Variants in DOCK9 observed in about 807,000 individuals in gnomAD.
The protein encoded by DOCK9 is dedicator of cytokinesis 9.
A neutral mutation model predicts 263.3 loss-of-function variants in DOCK9; 89 were observed. That is an observed-to-expected ratio of 0.34 (90% CI 0.28 to 0.40). The LOEUF (loss-of-function observed/expected upper bound fraction) is 0.40. Among genes scored for constraint, DOCK9 ranks in the 10% least tolerant of loss-of-function variants. DOCK9 has a pLI of 1.00. For synonymous variants in DOCK9, 976 were observed against 973.1 expected (o/e 1.00, Z -0.06); for missense variants, 2,140 against 2,603.4 (o/e 0.82, Z 3.87).
chr13:99,057,434 G>T (rs1021868179), intron 1 of DOCK9, among the ~76,000 whole-genome samples: 1 of 152,160 alleles, frequency 6.6e-6, no homozygotes, highest in East Asian at 1.9e-4. Flanking sequence ...CTAAGGCACG[G>T]TAAGTCCTGG....
chr13:98,910,796 C>T (rs927753518), intron 9 of DOCK9, among the ~76,000 whole-genome samples: 3 of 152,154 alleles, frequency 2.0e-5, no homozygotes, highest in Non-Finnish European at 2.9e-5. Context: ...CTTGCACCTT[C>T]CTTCCCTGAT....
chr13:98,833,236 T>C (rs955587411), intron 39 of DOCK9, among the ~76,000 whole-genome samples: 2 of 151,816 alleles, frequency 1.3e-5, no homozygotes, highest in African/African-American at 4.8e-5. Context: ...TTCCAGTGTT[T>C]GGGGAACTGC....
rs71114576 is a variant in DOCK9, at chr13:99,060,062, C to CTTTTT, written c.129+26156_129+26160dup. On this transcript the variant is annotated intron_variant, in intron 1 of 32. Coordinates refer to the DOCK9 transcript ENST00000427887. ...AGTTACAGACATTTGATTGTTTCTA[C>CTTTTT]TTTTTTTTTTTTTTTTTTTTTTTTT... Among the ~76,000 whole-genome samples the CTTTTT allele has an allele frequency of 1.7e-3, 103 of 61,462 alleles. 12 individuals carry two copies. The highest frequency in any genetic ancestry group is 4.6e-3 in the African/African-American group (58 of 12,596). The allele number at this position is 61,462 out of a possible 152,430, so 40.3% of individuals were successfully genotyped here.
intron 39 of DOCK9, among the ~76,000 whole-genome samples, chr13:98,835,745 T>C: frequency 6.8e-6 from 1 of 147,140 alleles, no homozygotes; most frequent in East Asian, 2.0e-4. Flanking sequence ...TTTTTTTTTT[T>C]TTTTTTTTTT....
intron 1 of DOCK9, among the ~76,000 whole-genome samples, chr13:99,042,453 G>A (rs1277413759): frequency 6.6e-6 from 1 of 152,166 alleles, no homozygotes; most frequent in Non-Finnish European, 1.5e-5. Flanking sequence ...TTTCTAAATG[G>A]GGGACGTGAG....
At chr13:98,856,449 G>C (rs2093708738) in intron 33 of DOCK9, 1 of 155,510 alleles carries the variant, frequency 6.4e-6, no homozygotes, top group Admixed American at 6.4e-5. Flanking sequence ...GGGTGTCATG[G>C]GGTATTTTAA....
chr13:98,879,896 A>G lies in DOCK9; in HGVS notation c.2943+2T>C. The stretch of plus-strand genomic sequence containing the variant: ...CACAAGCTTCCACTTGAAGTAACAT[A>G]CCTTAACTTTGGAGTTCTCTATCAA... On this transcript the variant is annotated splice_donor_variant, in intron 27 of 52. Transcript: ENST00000682017. LOFTEE classifies it high-confidence loss of function. 6.2e-7 allele frequency: 1 copy of G among 1,604,584 alleles called. No homozygotes were observed. The highest frequency in any genetic ancestry group is 8.5e-7 in the Non-Finnish European group (1 of 1,177,304).
intron 2 of DOCK9, among the ~76,000 whole-genome samples, chr13:98,931,177 G>A (rs1473043892): frequency 2.6e-5 from 4 of 152,198 alleles, no homozygotes; most frequent in Admixed American, 6.5e-5. Context: ...AGAACTGCTC[G>A]TGTTCATTAG....
At chr13:98,999,288 G>GCACACACACACACACACACACACA (rs1412789503) in intron 1 of DOCK9, among the ~76,000 whole-genome samples, 10 of 137,588 alleles carry the variant, frequency 7.3e-5, no homozygotes, top group Admixed American at 1.4e-4. Flanking sequence ...ACGCATGCAC[G>GCACACACACACACACACACACACA]CGCACACACA....
At chr13:98,952,587 T>C (rs1335772515) in intron 2 of DOCK9, among the ~76,000 whole-genome samples, 1 of 152,342 alleles carries the variant, frequency 6.6e-6, no homozygotes, top group East Asian at 1.9e-4. Flanking sequence ...TCTTCTTTGC[T>C]GCTGTTGTAG....
intron 1 of DOCK9, among the ~76,000 whole-genome samples, chr13:99,055,856 G>C (rs1258018123): frequency 3.3e-5 from 5 of 151,412 alleles, no homozygotes; most frequent in African/African-American, 4.9e-5. Flanking sequence ...TGTCTGCAGT[G>C]ACTAGACCCA....
intron 2 of DOCK9, among the ~76,000 whole-genome samples, chr13:98,933,907 T>C (rs1158864959): frequency 2.4e-5 from 3 of 126,072 alleles, no homozygotes; most frequent in East Asian, 2.7e-4. Flanking sequence ...GTTGTTGTTG[T>C]TGTTGTTTGA....
chr13:98,841,581 G>A (rs988938982), intron 38 of DOCK9, among the ~76,000 whole-genome samples: 12 of 150,734 alleles, frequency 8.0e-5, no homozygotes, highest in Non-Finnish European at 1.3e-4. Flanking sequence ...ACATATCTCA[G>A]AATCAAGGAA....
chr13:99,072,493 A>T (rs561007577), intron 1 of DOCK9, among the ~76,000 whole-genome samples: 1 of 152,330 alleles, frequency 6.6e-6, no homozygotes, highest in South Asian at 2.1e-4. Flanking sequence ...CAAAGCACTG[A>T]TGAAACTGAG....
chr13:98,897,664 T>C, intron 14 of DOCK9, 54 bp from the exon 15 acceptor site: 1 of 1,598,680 alleles, frequency 6.3e-7, no homozygotes, highest in Non-Finnish European at 8.5e-7. Flanking sequence ...CCAAAATCAA[T>C]TCATTATTTA....
intron 1 of DOCK9, among the ~76,000 whole-genome samples, chr13:99,024,063 C>T (rs1886434946): frequency 6.6e-6 from 1 of 152,160 alleles, no homozygotes; most frequent in South Asian, 2.1e-4. Context: ...GGTCATGGAG[C>T]AAAACCATGG....
chr13:99,000,121 G>C (rs1477295520), intron 1 of DOCK9, among the ~76,000 whole-genome samples: 1 of 152,160 alleles, frequency 6.6e-6, no homozygotes, highest in African/African-American at 2.4e-5. Flanking sequence ...AAGATGACCT[G>C]ATCTGATTCT....
chr13:98,829,893 G>A lies in DOCK9; in HGVS notation c.4636-137C>T, dbSNP rs570422878. 2.5e-5 allele frequency: 16 copies of A among 647,386 alleles called. No individual in the cohort carries two copies. The highest frequency in any genetic ancestry group is 5.5e-5 in the East Asian group (2 of 36,434). The allele number at this position is 647,386 out of a possible 1,614,324, so 40.1% of individuals were successfully genotyped here. ...GGGTGCTTTGAGCAGGGGTCGCTCC[G>A]TGTAGGAAACAATGTCTGAGGTATT... is the stretch of plus-strand genomic sequence containing the variant. On this transcript the variant is annotated intron_variant, in intron 41 of 52. Coordinates refer to ENST00000682017, the MANE Select transcript of DOCK9 (RefSeq NM_001366683.2). The surrounding 1 kb of genome is among the most constrained non-coding windows in gnomAD (Gnocchi z 4.1).
chr13:98,883,018 G>T lies in DOCK9; in HGVS notation c.2559+24C>A, dbSNP rs757619772. On this transcript the variant is annotated intron_variant, in intron 23 of 52. Transcript: ENST00000682017. The stretch of plus-strand genomic sequence containing the variant: ...CCTACTCCAAACTCACTTAAAAGGG[G>T]ATACTAAGAAAGCCATGTGATACCT... The T allele has an allele frequency of 1.3e-5, 20 of 1,596,296 alleles. No homozygotes were observed. The South Asian group carries it at 2.1e-4, about 17-fold the overall frequency.
Sources: allele counts gnomAD v4.1 joint callset (sites outside exome capture counted in the v4.1 genomes callset), GRCh38; gene constraint gnomAD v4.1.1; non-coding constraint Gnocchi (gnomAD v3.1); transcripts MANE v1.5; gene names NCBI Gene and HGNC (gene_info 2026-07-23, HGNC 2026-07-21).